Variants in TBC1D5 observed in about 807,000 individuals in gnomAD.
TBC1D5 encodes TBC1 domain family member 5.
A neutral mutation model predicts 100.3 loss-of-function variants in TBC1D5; 75 were observed. The observed-to-expected ratio is 0.75, with a 90% CI of 0.62 to 0.91. The LOEUF (loss-of-function observed/expected upper bound fraction) is 0.91. Ranked by LOEUF, TBC1D5 falls within the 40% of genes least tolerant of loss-of-function variation. The pLI, the probability that TBC1D5 is intolerant of heterozygous loss-of-function variation, is 0.00. For synonymous variants in TBC1D5, 323 were observed against 325.6 expected, an observed-to-expected ratio of 0.99 and a Z score of 0.09; for missense variants, 910 against 942.4, an observed-to-expected ratio of 0.97 and a Z score of 0.45.
At chr3:17,431,715 A>G (rs1344270103) in intron 3 of TBC1D5, among the ~76,000 whole-genome samples, 3 of 152,066 alleles carry the variant, frequency 2.0e-5, no homozygotes, top group African/African-American at 7.2e-5. Flanking sequence ...ATTGGCTTAA[A>G]TTATAAGAAA....
At position 17,348,955 on chromosome 3, in the gene TBC1D5, T is replaced by C. The variant is rs568431833; in HGVS notation, c.995+23120A>G. ...CAGGCTGAGTAACATGGAATTTAACTACAAATTCTATCATTACCTTGCAAA... is the reference window on the plus strand; with the variant it reads ...CAGGCTGAGTAACATGGAATTTAACCACAAATTCTATCATTACCTTGCAAA... On this transcript the variant is annotated intron_variant, in intron 13 of 21. Coordinates refer to ENST00000253692, the Ensembl canonical transcript of TBC1D5. Among the ~76,000 whole-genome samples, 154 of 152,308 alleles carry C rather than the reference T, an allele frequency of 1.0e-3. 1 individual carries two copies. Among genetic ancestry groups the C allele is most frequent in the Middle Eastern group, 6.8e-3 (2 of 294 alleles).
chr3:17,451,612 G>C (rs573301712), intron 3 of TBC1D5, among the ~76,000 whole-genome samples: 1 of 152,156 alleles, frequency 6.6e-6, no homozygotes, highest in Non-Finnish European at 1.5e-5. Context: ...CAAGGATCTA[G>C]AACTAGAAAT....
chr3:17,338,724 T>C (rs547766439), intron 13 of TBC1D5: 1 of 152,358 alleles, frequency 6.6e-6, no homozygotes, highest in Admixed American at 6.5e-5. Context: ...AACACTAGTA[T>C]GTAGTACCAG....
intron 9 of TBC1D5, 41 bp from the exon 10 acceptor site, chr3:17,376,654 C>CAA (rs757459709): frequency 6.4e-7 from 1 of 1,559,698 alleles, no homozygotes; most frequent in East Asian, 2.3e-5. Flanking sequence ...GATGGATACT[C>CAA]AGAGTCCATT....
chr3:17,477,589 A>G (rs114351248), intron 3 of TBC1D5, among the ~76,000 whole-genome samples: 94 of 152,176 alleles, frequency 6.2e-4, no homozygotes, highest in African/African-American at 2.1e-3. Context: ...ATACAACTGT[A>G]TAAGTCATTG....
chr3:17,357,446 AT>A (rs2091315411), intron 13 of TBC1D5, among the ~76,000 whole-genome samples: 1 of 152,212 alleles, frequency 6.6e-6, no homozygotes, highest in Non-Finnish European at 1.5e-5. Flanking sequence ...GAAAAAAATA[AT>A]GATAGGATTT....
exon 1 of TBC1D5, chr3:17,740,669 T>G (rs556162728): frequency 2.0e-5 from 3 of 152,326 alleles, no homozygotes; most frequent in African/African-American, 7.2e-5. Context: ...GACTCTCAAT[T>G]GTTTGCAAAT....
rs199599688 is a variant in TBC1D5 at position 17,372,399 on chromosome 3, A to G, written c.823-152T>C. On this transcript the variant is annotated intron_variant, in intron 12 of 21. Coordinates refer to ENST00000253692, the Ensembl canonical transcript of TBC1D5. ...AAGGTGAGAGCACCATGAAATAATT[A>G]AAATAGGAAGATGAAAAAGGGATTC... The G allele has an allele frequency of 2.5e-5, 16 of 635,872 alleles. No individual in the cohort carries two copies. In the East Asian group the frequency reaches 4.7e-4, roughly 19 times the overall value. 39.4% of individuals were successfully genotyped at this position (635,872 alleles called of 1,614,324 possible).
chr3:17,324,209 C>T (rs283933), intron 13 of TBC1D5, among the ~76,000 whole-genome samples: 14,146 of 152,148 alleles, frequency 0.093, 892 homozygotes, highest in Middle Eastern at 0.15. Flanking sequence ...GATTGTACAA[C>T]GCCTTGAAAA....
intron 3 of TBC1D5, among the ~76,000 whole-genome samples, chr3:17,506,106 T>C (rs2095842268): frequency 6.6e-6 from 1 of 152,164 alleles, no homozygotes; most frequent in African/African-American, 2.4e-5. Context: ...TCCCTAAAGA[T>C]TATGGCAGAA....
intron 1 of TBC1D5, among the ~76,000 whole-genome samples, chr3:17,654,827 A>T (rs1171992775): frequency 1.3e-5 from 2 of 152,108 alleles, no homozygotes; most frequent in Non-Finnish European, 2.9e-5. Context: ...GATTATTGCC[A>T]CAATTTCAGA....
chr3:17,418,268 T>TA (rs1174375219), intron 4 of TBC1D5, among the ~76,000 whole-genome samples: 8 of 152,334 alleles, frequency 5.3e-5, no homozygotes, highest in African/African-American at 1.7e-4. Flanking sequence ...TTGTGTGATT[T>TA]AAAGATTTTT....
At chr3:17,164,909 T>C (rs773997091) in intron 21 of TBC1D5, among the ~76,000 whole-genome samples, 1 of 152,200 alleles carries the variant, frequency 6.6e-6, no homozygotes. Flanking sequence ...TCTTCTTCAG[T>C]AAAACTCTTT....
At chr3:17,492,609 CTT>C (rs1560011480) in intron 3 of TBC1D5, among the ~76,000 whole-genome samples, 1 of 151,778 alleles carries the variant, frequency 6.6e-6, no homozygotes, top group African/African-American at 2.4e-5. Context: ...TAATTTTTGT[CTT>C]TTTTAGTAGA....
intron 15 of TBC1D5, among the ~76,000 whole-genome samples, chr3:17,290,800 G>A (rs533757722): frequency 2.6e-5 from 4 of 152,034 alleles, no homozygotes; most frequent in Non-Finnish European, 4.4e-5. Context: ...CTTATACATC[G>A]GAGAAATAAT....
chr3:17,615,910 T>TA (rs2062111020), intron 2 of TBC1D5, among the ~76,000 whole-genome samples: 1 of 152,218 alleles, frequency 6.6e-6, no homozygotes, highest in South Asian at 2.1e-4. Flanking sequence ...TGATCTTAGT[T>TA]ATTTCTTGCC....
At chr3:17,329,589 A>G (rs185377944) in intron 13 of TBC1D5, among the ~76,000 whole-genome samples, 28 of 152,332 alleles carry the variant, frequency 1.8e-4, no homozygotes, top group Non-Finnish European at 3.2e-4. Context: ...TGTAAACTCA[A>G]TTTTGCAAAG....
rs1364754451 is a variant in TBC1D5 at position 17,249,985 on chromosome 3, TGACAGA to T, written c.1331+8515_1331+8520del. Among the ~76,000 whole-genome samples, 5 of 152,284 alleles carry T rather than the reference TGACAGA, an allele frequency of 3.3e-5. No individual in the cohort carries two copies. The East Asian group carries it at 9.6e-4, about 29-fold the overall frequency. On this transcript the variant is annotated intron_variant, in intron 16 of 21. Transcript: ENST00000253692. ...AAATAGTGCTAGAATTACCAAAATA[TGACAGA>T]GACAAAGTGAGCACATGCTATTGAA...
chr3:17,638,913 T>C (rs924561176), intron 1 of TBC1D5, among the ~76,000 whole-genome samples: 2 of 152,240 alleles, frequency 1.3e-5, no homozygotes, highest in Non-Finnish European at 2.9e-5. Context: ...ACATTGTTAA[T>C]GGGAGTGTGT....
Sources: allele counts gnomAD v4.1 joint callset (sites outside exome capture counted in the v4.1 genomes callset), GRCh38; gene constraint gnomAD v4.1.1; transcripts MANE v1.5; gene names NCBI Gene and HGNC (gene_info 2026-07-23, HGNC 2026-07-21).